Variants in SEMA5A observed in about 807,000 individuals in gnomAD.
The protein encoded by SEMA5A is semaphorin 5A.
A neutral mutation model predicts 135.5 loss-of-function variants in SEMA5A; 55 were observed. The observed-to-expected ratio is 0.41, with a 90% CI of 0.33 to 0.51. The LOEUF is 0.51. Among genes scored for constraint, SEMA5A ranks in the 20% least tolerant of loss-of-function variants. SEMA5A has a pLI of 0.37. For synonymous variants in SEMA5A, 580 were observed against 546.5 expected (o/e 1.06, Z -0.85); for missense variants, 1,290 against 1,419.9 (o/e 0.91, Z 1.47).
chr5:9,090,691 T>C (rs1467910608), intron 16 of SEMA5A, among the ~76,000 whole-genome samples: 1 of 152,164 alleles, frequency 6.6e-6, no homozygotes, highest in Non-Finnish European at 1.5e-5. Flanking sequence ...GAGAATGTCC[T>C]GAGGATGCAA....
intron 1 of SEMA5A, among the ~76,000 whole-genome samples, chr5:9,451,893 TG>T (rs1443858149): frequency 1.3e-5 from 2 of 152,054 alleles, no homozygotes; most frequent in African/African-American, 4.8e-5. Context: ...CTACCCAGCA[TG>T]GAGGAAACAA....
At chr5:9,430,087 A>G (rs1323262005) in intron 2 of SEMA5A, among the ~76,000 whole-genome samples, 1 of 152,202 alleles carries the variant, frequency 6.6e-6, no homozygotes, top group East Asian at 1.9e-4. Flanking sequence ...TATTGGATAT[A>G]TGTTGAACAA....
At chr5:9,190,052 A>G (rs1745013023) in intron 11 of SEMA5A, among the ~76,000 whole-genome samples, 1 of 152,244 alleles carries the variant, frequency 6.6e-6, no homozygotes, top group African/African-American at 2.4e-5. Context: ...TGTCTTTCCA[A>G]TTAAAGTTAT....
intron 11 of SEMA5A, among the ~76,000 whole-genome samples, chr5:9,189,257 C>T (rs1352848268): frequency 6.6e-6 from 1 of 152,198 alleles, no homozygotes; most frequent in Non-Finnish European, 1.5e-5. Context: ...ACTGACTGCT[C>T]TGTTTATTAT....
At position 9,042,861 on chromosome 5, in the gene SEMA5A, C is replaced by T. The variant is rs112981680; in HGVS notation, c.*36G>A. On this transcript the variant is annotated 3_prime_UTR_variant, in exon 23 of 23. Coordinates refer to ENST00000382496, the MANE Select transcript of SEMA5A (RefSeq NM_003966.3). Reference sequence around the variant, plus strand: ...GTCATGGGGCACAGGCCTTGAGGAACTGGGGATTTACAAGAAGCCAAAAAC... The same window carrying T: ...GTCATGGGGCACAGGCCTTGAGGAATTGGGGATTTACAAGAAGCCAAAAAC... The T allele has an allele frequency of 6.2e-7, 1 of 1,612,376 alleles. No homozygotes were observed. The highest frequency in any genetic ancestry group is 8.5e-7 in the Non-Finnish European group (1 of 1,178,926).
Position 9,399,912 on chromosome 5 carries a change from G to A in SEMA5A, c.-77-19889C>T, listed in dbSNP as rs556859806. Among the ~76,000 whole-genome samples, 13 of 152,164 alleles carry A rather than the reference G, an allele frequency of 8.5e-5. No homozygotes were observed. The South Asian group carries it at 2.5e-3, about 29-fold the overall frequency. The stretch of plus-strand genomic sequence containing the variant: ...CATTAGCTTGACATAGATGGTGAAG[G>A]GGGATAAGATACTGGTATACATACA... On this transcript the variant is annotated intron_variant, in intron 2 of 22. Transcript: ENST00000382496.
intron 3 of SEMA5A, among the ~76,000 whole-genome samples, chr5:9,346,368 C>A (rs893254873): frequency 1.3e-5 from 2 of 152,114 alleles, no homozygotes; most frequent in African/African-American, 4.8e-5. Context: ...CCCTTCAGTT[C>A]GCTCATGTAA....
intron 8 of SEMA5A, among the ~76,000 whole-genome samples, chr5:9,215,744 T>A (rs1746583865): frequency 1.3e-5 from 2 of 152,218 alleles, no homozygotes; most frequent in African/African-American, 4.8e-5. Flanking sequence ...GGTAACATTT[T>A]CTTCTTCATT....
At chr5:9,085,967 G>T (rs1738661030) in intron 16 of SEMA5A, among the ~76,000 whole-genome samples, 1 of 152,206 alleles carries the variant, frequency 6.6e-6, no homozygotes, top group Non-Finnish European at 1.5e-5. Context: ...GGACTCAAAG[G>T]AGATCATTTT....
chr5:9,219,462 T>C (rs1487603558), intron 8 of SEMA5A, among the ~76,000 whole-genome samples: 1 of 152,150 alleles, frequency 6.6e-6, no homozygotes, highest in Non-Finnish European at 1.5e-5. Flanking sequence ...TACTCCAGAA[T>C]GTAACTATAC....
chr5:9,511,345 C>T (rs930777083), intron 1 of SEMA5A: 1 of 152,178 alleles, frequency 6.6e-6, no homozygotes, highest in Admixed American at 6.5e-5. Context: ...TTCACACTCC[C>T]TTAAGTTAAA....
intron 5 of SEMA5A, among the ~76,000 whole-genome samples, chr5:9,245,185 G>T (rs1468833322): frequency 2.6e-5 from 4 of 152,112 alleles, no homozygotes; most frequent in Admixed American, 2.6e-4. Context: ...AAGCCACCCT[G>T]CTCCATCCTG....
intron 3 of SEMA5A, among the ~76,000 whole-genome samples, chr5:9,370,998 C>A (rs1755113371): frequency 1.3e-5 from 2 of 152,052 alleles, no homozygotes; most frequent in South Asian, 4.1e-4. Flanking sequence ...CAATAACGTA[C>A]CATTTGAGGC....
chr5:9,484,807 A>T (rs1478868624), intron 1 of SEMA5A, among the ~76,000 whole-genome samples: 1 of 152,034 alleles, frequency 6.6e-6, no homozygotes, highest in East Asian at 1.9e-4. Context: ...GGTTCTATGG[A>T]GGTTCTTGCA....
intron 5 of SEMA5A, among the ~76,000 whole-genome samples, chr5:9,316,583 C>A (rs557060566): frequency 2.0e-5 from 3 of 151,872 alleles, no homozygotes; most frequent in Non-Finnish European, 2.9e-5. Flanking sequence ...ATCTACTAAA[C>A]GATATATATT....
At chr5:9,189,526 CAATT>C (rs1744987182) in intron 11 of SEMA5A, among the ~76,000 whole-genome samples, 1 of 151,788 alleles carries the variant, frequency 6.6e-6, no homozygotes, top group South Asian at 2.1e-4. Flanking sequence ...TGAGAAATGA[CAATT>C]ATACAGAACA....
At position 9,342,538 on chromosome 5, in the gene SEMA5A, G is replaced by A. The variant is rs753501024; in HGVS notation, c.125-4726C>T. ...GCCAAACTAGGTGGGGCCAGGGGAC[G>A]GTGGGTAAAGATTGTTGAAAAGCAC... On this transcript the variant is annotated intron_variant, in intron 3 of 22. Transcript: ENST00000382496. Among the ~76,000 whole-genome samples, 11 of 152,144 alleles carry A rather than the reference G, an allele frequency of 7.2e-5. No individual in the cohort carries two copies. In the East Asian group the frequency reaches 9.6e-4, roughly 13 times the overall value.
chr5:9,156,719 G>A (rs938528694), intron 11 of SEMA5A, among the ~76,000 whole-genome samples: 23 of 152,202 alleles, frequency 1.5e-4, no homozygotes, highest in Admixed American at 2.0e-4. Flanking sequence ...GCCTAGAGTG[G>A]CATGGGAAAC....
chr5:9,226,798 A>C lies in SEMA5A; in HGVS notation c.432+71T>G, dbSNP rs974385386. On this transcript the variant is annotated intron_variant, in intron 7 of 22. Transcript: ENST00000382496. Reference sequence around the variant, plus strand: ...CTTGGTGTATAGAAATTCATTTAAAACTAGTATTTTTACACAATGTTTTGC... The same window carrying C: ...CTTGGTGTATAGAAATTCATTTAAACCTAGTATTTTTACACAATGTTTTGC... The C allele has an allele frequency of 3.8e-5, 46 of 1,197,588 alleles. 1 individual carries two copies. In the South Asian group the frequency reaches 5.9e-4, roughly 15 times the overall value. 74.2% of individuals were successfully genotyped at this position (1,197,588 alleles called of 1,614,324 possible). A position where few individuals can be genotyped will look rare whatever the true frequency, so the allele number is the denominator to read the frequency against.
Sources: gnomAD v4.1 joint callset for allele counts (sites outside exome capture counted in the v4.1 genomes callset) on GRCh38, gnomAD v4.1.1 for gene constraint, MANE v1.5 for transcripts, NCBI Gene and HGNC (gene_info 2026-07-23, HGNC 2026-07-21) for gene names.